The following SAMD12 variants were observed in gnomAD, a reference collection of about 807,000 sequenced individuals.
SAMD12 encodes sterile alpha motif domain containing 12.
SAMD12 carries 9 observed loss-of-function variants against 15.0 expected under a neutral mutation model. That is an observed-to-expected ratio of 0.60 (90% CI 0.36 to 1.05). The LOEUF (loss-of-function observed/expected upper bound fraction) is 1.05. Among genes scored for constraint, SAMD12 ranks in the 50% least tolerant of loss-of-function variants. The pLI is 0.01. For missense variants in SAMD12, 230 were observed against 234.2 expected (o/e 0.98, Z 0.12); for synonymous variants, 86 against 90.1 (o/e 0.96, Z 0.25).
chr8:118,374,591 C>A (rs1471857303), downstream of SAMD12, among the ~76,000 whole-genome samples: 1 of 151,998 alleles, frequency 6.6e-6, no homozygotes, highest in East Asian at 1.9e-4. Flanking sequence ...ATTTTATATT[C>A]CCACTAACAG....
At chr8:118,141,625 T>C in the SAMD12 span, among the ~76,000 whole-genome samples, 2 of 152,168 alleles carry the variant, frequency 1.3e-5, no homozygotes, top group African/African-American at 4.8e-5. Flanking sequence ...GAGGGAGAAA[T>C]GGGGTAGGCC....
intron 2 of SAMD12, among the ~76,000 whole-genome samples, chr8:118,500,866 T>C (rs922611008): frequency 6.6e-6 from 1 of 152,198 alleles, no homozygotes; most frequent in Admixed American, 6.5e-5. Flanking sequence ...TTTTACCTTA[T>C]ATTTATATGT....
chr8:118,604,835 T>C (rs2131304473), intron 1 of SAMD12, among the ~76,000 whole-genome samples: 1 of 151,864 alleles, frequency 6.6e-6, no homozygotes, highest in South Asian at 2.1e-4. Context: ...GGCAGGAGAA[T>C]GGCATGAACC....
chr8:118,552,274 C>G (rs904224318), intron 2 of SAMD12, among the ~76,000 whole-genome samples: 2 of 152,038 alleles, frequency 1.3e-5, no homozygotes, highest in Admixed American at 1.3e-4. Context: ...TGCAAAAATC[C>G]TCAATAAAAT....
At chr8:118,442,161 G>T (rs1221321115) in intron 2 of SAMD12, among the ~76,000 whole-genome samples, 1 of 152,194 alleles carries the variant, frequency 6.6e-6, no homozygotes, top group African/African-American at 2.4e-5. Context: ...AAATTGTTTT[G>T]CAATCCTAGT....
At chr8:118,472,062 T>C (rs955758504) in intron 2 of SAMD12, among the ~76,000 whole-genome samples, 2 of 150,710 alleles carry the variant, frequency 1.3e-5, no homozygotes, top group Non-Finnish European at 3.0e-5. Flanking sequence ...CCGAGGCGGG[T>C]GAATCACGAG....
chr8:118,568,880 A>G, intron 2 of SAMD12, among the ~76,000 whole-genome samples: 1 of 152,044 alleles, frequency 6.6e-6, no homozygotes, highest in South Asian at 2.1e-4. Context: ...ACGCAATAGA[A>G]CAACCACAGG....
At chr8:118,329,932 A>T (rs970606794) in intron 4 of SAMD12, among the ~76,000 whole-genome samples, 1 of 152,140 alleles carries the variant, frequency 6.6e-6, no homozygotes, top group African/African-American at 2.4e-5. Context: ...AACCTCTCCC[A>T]TATTAAGAAT....
At chr8:118,383,597 T>C (rs1043998036) in intron 3 of SAMD12, among the ~76,000 whole-genome samples, 2 of 152,092 alleles carry the variant, frequency 1.3e-5, no homozygotes, top group African/African-American at 4.8e-5. Context: ...CCTCTGCCAA[T>C]ACAGAGAAGG....
At chr8:118,517,008 A>C (rs1311468110) in intron 2 of SAMD12, among the ~76,000 whole-genome samples, 2 of 152,178 alleles carry the variant, frequency 1.3e-5, no homozygotes, top group Non-Finnish European at 2.9e-5. Flanking sequence ...TATTTCTACA[A>C]GTTCCATATT....
chr8:118,396,264 A>G (rs780693805), intron 3 of SAMD12, among the ~76,000 whole-genome samples: 7 of 152,148 alleles, frequency 4.6e-5, no homozygotes, highest in Non-Finnish European at 8.8e-5. Flanking sequence ...TTATCATTTT[A>G]ATCACTCTGA....
chr8:118,431,651 T>C (rs1239034079), intron 3 of SAMD12, among the ~76,000 whole-genome samples: 2 of 151,926 alleles, frequency 1.3e-5, no homozygotes, highest in Non-Finnish European at 2.9e-5. Flanking sequence ...GTTGTTTGTT[T>C]TTAAAATCTG....
intron 1 of SAMD12, among the ~76,000 whole-genome samples, chr8:118,612,825 G>A (rs943950529): frequency 2.6e-5 from 4 of 152,182 alleles, no homozygotes; most frequent in African/African-American, 9.7e-5. Flanking sequence ...ACTTCAATTA[G>A]TGAATAAACT....
chr8:118,143,704 C>T, the SAMD12 span, among the ~76,000 whole-genome samples: 101,568 of 151,972 alleles, frequency 0.67, 37,009 homozygotes, highest in Non-Finnish European at 0.82. Context: ...TTTCTAGGCA[C>T]GGGCAAAGTG....
intron 3 of SAMD12, among the ~76,000 whole-genome samples, chr8:118,416,625 T>C (rs1055829316): frequency 6.6e-6 from 1 of 152,176 alleles, no homozygotes; most frequent in Admixed American, 6.5e-5. Flanking sequence ...TTTCATTCAT[T>C]TGGGCTTGAT....
intron 4 of SAMD12, among the ~76,000 whole-genome samples, chr8:118,321,352 G>A (rs887255456): frequency 4.2e-5 from 6 of 144,054 alleles, no homozygotes; most frequent in East Asian, 4.2e-4. Context: ...AGTAGCTCAC[G>A]CCTGTAATCT....
At chr8:118,284,353 T>C (rs1345190493) in intron 4 of SAMD12, 1 of 456,250 alleles carries the variant, frequency 2.2e-6, no homozygotes, top group Non-Finnish European at 4.4e-6. Context: ...AATATGCTTC[T>C]GTAAATTTTC....
intron 2 of SAMD12, among the ~76,000 whole-genome samples, chr8:118,469,266 G>A (rs1394461217): frequency 1.3e-5 from 2 of 150,792 alleles, no homozygotes; most frequent in African/African-American, 2.4e-5. Context: ...ATAGCTCTAT[G>A]CTGCAGGATT....
At chr8:118,139,186 G>A in the SAMD12 span, among the ~76,000 whole-genome samples, 1 of 150,714 alleles carries the variant, frequency 6.6e-6, no homozygotes, top group African/African-American at 2.4e-5. Context: ...AGTCAGACCA[G>A]AGATTGGTGT....
Sources: allele counts gnomAD v4.1 joint callset (sites outside exome capture counted in the v4.1 genomes callset), GRCh38; gene constraint gnomAD v4.1.1; transcripts MANE v1.5; gene names NCBI Gene and HGNC (gene_info 2026-07-23, HGNC 2026-07-21).